CHCHD3: variants seen among roughly 807,000 people sequenced by gnomAD.
CHCHD3 encodes MICOS complex subunit MIC19.
A neutral mutation model predicts 38.2 loss-of-function variants in CHCHD3; 20 were observed. The ratio of observed to expected loss-of-function variants is 0.52; its 90% CI spans 0.37 to 0.76. CHCHD3 has a LOEUF of 0.76. Among genes scored for constraint, CHCHD3 ranks in the 30% least tolerant of loss-of-function variants. CHCHD3 has a pLI of 0.00. For synonymous variants in CHCHD3, 82 were observed against 100.0 expected, an observed-to-expected ratio of 0.82 and a Z score of 1.07; for missense variants, 245 against 279.2, an observed-to-expected ratio of 0.88 and a Z score of 0.87.
chr7:132,811,562 TATCCATG>T (rs1426000497), intron 6 of CHCHD3, among the ~76,000 whole-genome samples: 2 of 152,234 alleles, frequency 1.3e-5, no homozygotes, highest in Non-Finnish European at 2.9e-5. Context: ...CATTCTTTTC[TATCCATG>T]CCAAAGTGGC....
chr7:132,796,235 G>A (rs1229251113), intron 7 of CHCHD3, among the ~76,000 whole-genome samples: 3 of 152,284 alleles, frequency 2.0e-5, no homozygotes, highest in South Asian at 2.1e-4. Flanking sequence ...AAGTAAATGA[G>A]TTGTACATAA....
chr7:133,002,203 T>C (rs1584634605), intron 3 of CHCHD3, among the ~76,000 whole-genome samples: 1 of 152,232 alleles, frequency 6.6e-6, no homozygotes, highest in East Asian at 1.9e-4. Context: ...AGAATAAGCA[T>C]TTTGTATCAA....
intron 4 of CHCHD3, among the ~76,000 whole-genome samples, chr7:132,910,810 T>C (rs967183408): frequency 1.3e-5 from 2 of 152,206 alleles, no homozygotes; most frequent in Admixed American, 1.3e-4. Flanking sequence ...GCCAGCACTG[T>C]CTTTCCTGAC....
At chr7:132,855,353 T>A (rs1808320567) in intron 5 of CHCHD3, among the ~76,000 whole-genome samples, 1 of 152,216 alleles carries the variant, frequency 6.6e-6, no homozygotes, top group Admixed American at 6.5e-5. Context: ...TTTCTTTTCA[T>A]CAATTTTAGC....
At chr7:132,796,633 C>T (rs1341565726) in intron 6 of CHCHD3, 56 bp from the exon 7 acceptor site, 1 of 1,538,276 alleles carries the variant, frequency 6.5e-7, no homozygotes, top group Admixed American at 1.7e-5. Flanking sequence ...GAATAAAAAT[C>T]AAGGTTAAAG....
At chr7:132,972,933 T>A (rs1364616001) in intron 4 of CHCHD3, 6 of 985,268 alleles carry the variant, frequency 6.1e-6, no homozygotes, top group Non-Finnish European at 7.2e-6. Flanking sequence ...ATAGACAAGA[T>A]TTATTAGGTA....
intron 6 of CHCHD3, among the ~76,000 whole-genome samples, chr7:132,811,552 C>T (rs1299007857): frequency 6.6e-6 from 1 of 152,216 alleles, no homozygotes; most frequent in Non-Finnish European, 1.5e-5. Context: ...ACCTTCCATC[C>T]ATTCTTTTCT....
intron 5 of CHCHD3, among the ~76,000 whole-genome samples, chr7:132,859,099 T>A (rs1808418821): frequency 6.6e-6 from 1 of 152,190 alleles, no homozygotes; most frequent in Non-Finnish European, 1.5e-5. Context: ...ATCACTGTAT[T>A]GAATGCCTTA....
At chr7:133,019,823 G>A (rs1813131430) in intron 3 of CHCHD3, among the ~76,000 whole-genome samples, 1 of 152,134 alleles carries the variant, frequency 6.6e-6, no homozygotes, top group Non-Finnish European at 1.5e-5. Context: ...CATTTTTCTA[G>A]CTGTCAAAGA....
intron 5 of CHCHD3, among the ~76,000 whole-genome samples, chr7:132,838,815 A>C (rs1486571764): frequency 6.6e-6 from 1 of 152,212 alleles, no homozygotes; most frequent in Non-Finnish European, 1.5e-5. Context: ...GAGATCAAAA[A>C]CTGAAATTCA....
At chr7:132,812,931 C>T (rs1241082815) in intron 6 of CHCHD3, among the ~76,000 whole-genome samples, 1 of 152,192 alleles carries the variant, frequency 6.6e-6, no homozygotes, top group African/African-American at 2.4e-5. Context: ...CTAATGCCTA[C>T]TATTTTAGCC....
At chr7:132,879,001 C>G (rs776946332) in intron 5 of CHCHD3, among the ~76,000 whole-genome samples, 22 of 152,148 alleles carry the variant, frequency 1.4e-4, no homozygotes, top group Non-Finnish European at 2.2e-4. Flanking sequence ...ACAACAAAGG[C>G]AAAGATCCTG....
chr7:132,786,235 G>A (rs1029658063), intron 7 of CHCHD3, among the ~76,000 whole-genome samples: 1 of 152,168 alleles, frequency 6.6e-6, no homozygotes, highest in Non-Finnish European at 1.5e-5. Flanking sequence ...CATGGCTGAT[G>A]GATGCAGTGA....
At chr7:132,819,060 T>C (rs1807275184) in intron 6 of CHCHD3, among the ~76,000 whole-genome samples, 1 of 152,178 alleles carries the variant, frequency 6.6e-6, no homozygotes, top group Non-Finnish European at 1.5e-5. Context: ...GCTGAATGCA[T>C]TTATTTAAAT....
intron 3 of CHCHD3, among the ~76,000 whole-genome samples, chr7:132,988,359 G>A (rs1812182904): frequency 6.6e-6 from 1 of 151,872 alleles, no homozygotes; most frequent in Non-Finnish European, 1.5e-5. Context: ...TGGCATGGGG[G>A]TAGAACTTTG....
At chr7:132,943,156 G>A (rs377305207) in intron 4 of CHCHD3, among the ~76,000 whole-genome samples, 1 of 152,082 alleles carries the variant, frequency 6.6e-6, no homozygotes, top group East Asian at 1.9e-4. Context: ...ATACATTCCA[G>A]ATACTGCATA....
intron 4 of CHCHD3, among the ~76,000 whole-genome samples, chr7:132,914,149 T>A (rs1810041425): frequency 6.6e-6 from 1 of 150,982 alleles, no homozygotes; most frequent in African/African-American, 2.4e-5. Context: ...TGTGTGTGTG[T>A]GTGTGTGTGT....
intron 2 of CHCHD3, among the ~76,000 whole-genome samples, chr7:133,064,136 C>A (rs1814602085): frequency 6.6e-6 from 1 of 152,192 alleles, no homozygotes. Context: ...TACACTGTAA[C>A]ATTAAATATG....
At chr7:133,036,617 A>G (rs1813684632) in intron 2 of CHCHD3, among the ~76,000 whole-genome samples, 2 of 152,238 alleles carry the variant, frequency 1.3e-5, no homozygotes, top group Admixed American at 1.3e-4. Context: ...TAAAAGAGTC[A>G]GGTTTACAGA....
Sources: allele counts gnomAD v4.1 joint callset (sites outside exome capture counted in the v4.1 genomes callset), GRCh38; gene constraint gnomAD v4.1.1; transcripts MANE v1.5; gene names NCBI Gene and HGNC (gene_info 2026-07-23, HGNC 2026-07-21).